TEX14: variants seen among roughly 807,000 people sequenced by gnomAD.
TEX14 encodes the protein inactive serine/threonine-protein kinase TEX14.
TEX14 carries 168 observed loss-of-function variants against 178.6 expected under a neutral mutation model. The observed-to-expected ratio is 0.94, with a 90% CI of 0.83 to 1.07. The LOEUF (loss-of-function observed/expected upper bound fraction) is 1.07, where lower values mean the gene tolerates loss of function less well. TEX14 is among the 50% of genes least tolerant of loss of function. The pLI is 0.00. For synonymous variants in TEX14, 626 were observed against 634.1 expected, an observed-to-expected ratio of 0.99 and a Z score of 0.19; for missense variants, 1,730 against 1,753.6, an observed-to-expected ratio of 0.99 and a Z score of 0.24.
rs147703251 is a variant in TEX14 at position 58,656,307 on chromosome 17, T to A, written c.-1-4305A>T. Reference sequence around the variant, plus strand: ...TAAAAATACAAAAATTAGCCGGATGTGGTGGCGGGCGCCTGTAGTCCCAGC... The same window carrying A: ...TAAAAATACAAAAATTAGCCGGATGAGGTGGCGGGCGCCTGTAGTCCCAGC... On this transcript the variant is annotated intron_variant, in intron 1 of 31. Transcript: ENST00000349033. Among the ~76,000 whole-genome samples, 975 of 152,112 alleles carry A rather than the reference T, an allele frequency of 6.4e-3. 6 individuals carry two copies. The highest frequency in any genetic ancestry group is 0.022 in the African/African-American group (914 of 41,510).
At chr17:58,596,931 G>A (rs1047709484) in intron 14 of TEX14, among the ~76,000 whole-genome samples, 17 of 152,176 alleles carry the variant, frequency 1.1e-4, no homozygotes, top group African/African-American at 3.6e-4. Flanking sequence ...AAATGCCAAT[G>A]CTTTTCCAAA....
intron 1 of TEX14, among the ~76,000 whole-genome samples, chr17:58,687,143 G>T (rs1386181053): frequency 6.6e-6 from 1 of 152,024 alleles, no homozygotes. Flanking sequence ...GCAAACTCAC[G>T]ACTGCTCCTG....
intron 4 of TEX14, among the ~76,000 whole-genome samples, chr17:58,622,379 G>A (rs912767399): frequency 2.6e-5 from 4 of 151,746 alleles, no homozygotes; most frequent in African/African-American, 9.7e-5. Context: ...CCAGGAGGCG[G>A]AGGTTGCAGT....
chr17:58,603,268 C>A (rs1460047924), intron 11 of TEX14, among the ~76,000 whole-genome samples: 2 of 148,408 alleles, frequency 1.3e-5, no homozygotes, highest in Non-Finnish European at 3.0e-5. Context: ...AAAAAAGCAG[C>A]CCTTGGCCGG....
chr17:58,577,478 T>A (rs747356415), intron 20 of TEX14, 22 bp from the exon 21 acceptor site: 58 of 862,544 alleles, frequency 6.7e-5, no homozygotes, highest in East Asian at 1.0e-4. Flanking sequence ...AAGTTAAAAA[T>A]ATATATATAT....
chr17:58,632,993 GTA>G (rs1314646733), intron 2 of TEX14, among the ~76,000 whole-genome samples: 2 of 152,136 alleles, frequency 1.3e-5, no homozygotes, highest in African/African-American at 4.8e-5. Flanking sequence ...GTTTGGAAAG[GTA>G]AGTGTATTTC....
At chr17:58,660,082 C>G (rs1465271964) in intron 1 of TEX14, among the ~76,000 whole-genome samples, 2 of 151,278 alleles carry the variant, frequency 1.3e-5, no homozygotes. Flanking sequence ...TGGCTCACAT[C>G]ATCTAGGGTA....
chr17:58,601,212 C>T (rs545234391), intron 13 of TEX14, among the ~76,000 whole-genome samples: 42 of 151,664 alleles, frequency 2.8e-4, no homozygotes, highest in African/African-American at 1.0e-3. Context: ...ATCGTGAGAC[C>T]TTGTCTCTAC....
At chr17:58,664,738 T>C (rs2047177968) in intron 1 of TEX14, among the ~76,000 whole-genome samples, 1 of 152,234 alleles carries the variant, frequency 6.6e-6, no homozygotes, top group African/African-American at 2.4e-5. Context: ...AAAATATATG[T>C]TAAAAATGCT....
intron 3 of TEX14, among the ~76,000 whole-genome samples, chr17:58,628,711 CA>C (rs551353417): frequency 2.6e-3 from 355 of 135,258 alleles, no homozygotes; most frequent in Admixed American, 2.5e-3. Context: ...GACTCTGTCT[CA>C]AAAAAAAAAA....
At chr17:58,570,948 G>A (rs754663424) in intron 24 of TEX14, among the ~76,000 whole-genome samples, 2 of 151,896 alleles carry the variant, frequency 1.3e-5, no homozygotes, top group Non-Finnish European at 1.5e-5. Context: ...CCTTATCCCT[G>A]ACTGCCTCCT....
At chr17:58,565,453 A>G (rs2044377206) in intron 27 of TEX14, among the ~76,000 whole-genome samples, 2 of 152,332 alleles carry the variant, frequency 1.3e-5, no homozygotes, top group Middle Eastern at 6.8e-3. Flanking sequence ...GCAGTCCTAT[A>G]AAGGGAAGAG....
At chr17:58,637,906 G>C (rs1391111664) in intron 2 of TEX14, among the ~76,000 whole-genome samples, 1 of 148,448 alleles carries the variant, frequency 6.7e-6, no homozygotes, top group Non-Finnish European at 1.5e-5. Flanking sequence ...CTGTCACCCA[G>C]GCTGGAGTGC....
intron 7 of TEX14, 123 bp downstream of exon 7, chr17:58,616,052 A>C (rs371986855): frequency 8.7e-7 from 1 of 1,144,734 alleles, no homozygotes; most frequent in South Asian, 1.6e-5. Flanking sequence ...ACCCTGATTT[A>C]GACAGATGTT....
Position 58,564,898 on chromosome 17 carries a change from T to C in TEX14, c.4035A>G (p.Glu1345=), listed in dbSNP as rs746752484. The C allele has an allele frequency of 3.7e-6, 6 of 1,605,610 alleles. No homozygotes were observed. The highest frequency in any genetic ancestry group is 1.3e-5 in the African/African-American group (1 of 74,438). The change falls in exon 28 of 32, where the codon GAA becomes GAG. Residue 1345 remains glutamate (E), a synonymous_variant. Transcript: ENST00000349033. ...KEDSSMLLSK[E]TEDLGEDTER... ...CTGTGTCCTCTCCAAGATCTTCAGT[T>C]TCTTTGGACAAAAGCATACTACTAT...
intron 1 of TEX14, chr17:58,660,464 C>G: frequency 1.7e-6 from 1 of 590,378 alleles, no homozygotes; most frequent in Non-Finnish European, 3.1e-6. Context: ...CAACATTAAG[C>G]ATCTTTGCCT....
intron 1 of TEX14, among the ~76,000 whole-genome samples, chr17:58,656,738 A>G (rs1241874021): frequency 2.1e-5 from 3 of 141,284 alleles, no homozygotes; most frequent in African/African-American, 8.1e-5. Context: ...TAGGCAACAC[A>G]GGGACTCTGT....
chr17:58,673,031 C>A (rs1426538729), intron 1 of TEX14, among the ~76,000 whole-genome samples: 1 of 152,002 alleles, frequency 6.6e-6, no homozygotes, highest in African/African-American at 2.4e-5. Flanking sequence ...CACGCTCAGC[C>A]GGCATTCCTT....
At chr17:58,557,340 G>A (rs893548686) in intron 31 of TEX14, among the ~76,000 whole-genome samples, 2 of 151,220 alleles carry the variant, frequency 1.3e-5, no homozygotes, top group Non-Finnish European at 2.9e-5. Flanking sequence ...GCGCGACCTC[G>A]GCTCACTGCA....
Sources: gnomAD v4.1 joint callset for allele counts (sites outside exome capture counted in the v4.1 genomes callset) on GRCh38, gnomAD v4.1.1 for gene constraint, MANE v1.5 for transcripts, NCBI Gene and HGNC (gene_info 2026-07-23, HGNC 2026-07-21) for gene names.